TTC28: variants seen among roughly 807,000 people sequenced by gnomAD.
The protein encoded by TTC28 is tetratricopeptide repeat domain 28.
In TTC28, 61 loss-of-function variants were observed where a neutral mutation model predicts 198.0. That is an observed-to-expected ratio of 0.31 (90% CI 0.25 to 0.38). The LOEUF (loss-of-function observed/expected upper bound fraction) is 0.38. TTC28 is among the 10% of genes least tolerant of loss of function. TTC28 has a pLI of 1.00. For missense variants in TTC28, 2,678 were observed against 3,164.0 expected, an observed-to-expected ratio of 0.85 and a Z score of 3.69; for synonymous variants, 1,171 against 1,297.8, an observed-to-expected ratio of 0.90 and a Z score of 2.10.
chr22:28,623,717 G>C (rs2051035693), intron 2 of TTC28, among the ~76,000 whole-genome samples: 1 of 152,084 alleles, frequency 6.6e-6, no homozygotes, highest in Non-Finnish European at 1.5e-5. Context: ...TACAGTGAAA[G>C]TAAATTAGAA....
Position 28,552,179 on chromosome 22 carries a change from G to A in TTC28, c.381+77373C>T, listed in dbSNP as rs548479915. On this transcript the variant is annotated intron_variant, in intron 2 of 22. Transcript: ENST00000397906. ...CTTAGGAATATACCTAACCAAGGAG[G>A]CGAAAGACCTCTACAAGGAAAACTA... Among the ~76,000 whole-genome samples the A allele has an allele frequency of 2.0e-5, 3 of 152,178 alleles. No individual in the cohort carries two copies. In the East Asian group the frequency reaches 5.8e-4, roughly 29 times the overall value.
chr22:28,016,773 T>G (rs565750434), intron 13 of TTC28, among the ~76,000 whole-genome samples: 7 of 152,320 alleles, frequency 4.6e-5, no homozygotes, highest in African/African-American at 1.7e-4. Context: ...CAGCCCCAGC[T>G]GTCCAGGGAG....
intron 2 of TTC28, chr22:28,460,036 A>G (rs1449508119): frequency 6.6e-6 from 1 of 152,204 alleles, no homozygotes; most frequent in Non-Finnish European, 1.5e-5. Context: ...TTTTACGTGT[A>G]TTTTACCACA....
chr22:28,180,664 C>T (rs1207382559), intron 5 of TTC28, among the ~76,000 whole-genome samples: 1 of 152,098 alleles, frequency 6.6e-6, no homozygotes, highest in Non-Finnish European at 1.5e-5. Flanking sequence ...ACCGATTCTT[C>T]TTGGATCAAA....
chr22:28,105,920 CCTCTT>C, intron 7 of TTC28, 118 bp from the exon 8 acceptor site: 1 of 1,196,480 alleles, frequency 8.4e-7, no homozygotes, highest in Non-Finnish European at 1.1e-6. Flanking sequence ...GCTCTTAACT[CCTCTT>C]CTAGCTAAAA....
chr22:28,042,811 T>C (rs1018714390), intron 12 of TTC28, among the ~76,000 whole-genome samples: 6 of 151,780 alleles, frequency 4.0e-5, no homozygotes, highest in African/African-American at 1.4e-4. Context: ...CTGCCTCACA[T>C]AGGAGAAGAA....
chr22:28,274,151 T>C (rs77347157), intron 5 of TTC28, among the ~76,000 whole-genome samples: 2,400 of 152,264 alleles, frequency 0.016, 84 homozygotes, highest in African/African-American at 0.056. Flanking sequence ...TTGAGTGTGA[T>C]TAATATTGGA....
At chr22:28,562,795 C>G (rs1273348264) in intron 2 of TTC28, among the ~76,000 whole-genome samples, 1 of 152,170 alleles carries the variant, frequency 6.6e-6, no homozygotes, top group Non-Finnish European at 1.5e-5. Flanking sequence ...AAGTCAATTA[C>G]TTCATCAGAG....
chr22:28,308,823 C>T (rs1397971520), intron 2 of TTC28, among the ~76,000 whole-genome samples: 1 of 152,124 alleles, frequency 6.6e-6, no homozygotes, highest in Non-Finnish European at 1.5e-5. Flanking sequence ...TTGGTCTTCC[C>T]TTATGCCCTT....
chr22:28,678,653 T>C (rs2052040530), intron 1 of TTC28, among the ~76,000 whole-genome samples: 1 of 152,188 alleles, frequency 6.6e-6, no homozygotes, highest in East Asian at 1.9e-4. Context: ...ATCTGAGATA[T>C]TAATCTCAAG....
chr22:27,987,709 C>A lies in TTC28; in HGVS notation c.5707+2169G>T, dbSNP rs550116805. ...GGGTAATAGAGTAAGACCCTGTCTC[C>A]AAAAAAAAAAAGGTTGTGGTTGTGG... On this transcript the variant is annotated intron_variant, in intron 21 of 22. Transcript: ENST00000397906. Among the ~76,000 whole-genome samples the A allele has an allele frequency of 8.5e-3, 1,232 of 144,678 alleles. 8 individuals are homozygous for A. The highest frequency in any genetic ancestry group is 0.014 in the Non-Finnish European group (937 of 65,440). 94.9% of individuals were successfully genotyped at this position (144,678 alleles called of 152,430 possible).
intron 2 of TTC28, among the ~76,000 whole-genome samples, chr22:28,609,986 G>GT (rs983059530): frequency 6.6e-6 from 1 of 152,170 alleles, no homozygotes; most frequent in Non-Finnish European, 1.5e-5. Flanking sequence ...TTCAAACTCG[G>GT]TATAGCCCAC....
At chr22:28,033,115 C>G (rs1243129242) in intron 12 of TTC28, among the ~76,000 whole-genome samples, 1 of 152,162 alleles carries the variant, frequency 6.6e-6, no homozygotes, top group Non-Finnish European at 1.5e-5. Context: ...GAAGAATTGC[C>G]TGGGACCGGT....
At chr22:28,081,945 G>C (rs1247315012) in intron 12 of TTC28, among the ~76,000 whole-genome samples, 1 of 152,114 alleles carries the variant, frequency 6.6e-6, no homozygotes, top group Non-Finnish European at 1.5e-5. Context: ...ATTTTTTGTA[G>C]TTTTCAGTAT....
intron 5 of TTC28, among the ~76,000 whole-genome samples, chr22:28,239,718 A>G (rs1929526219): frequency 6.6e-6 from 1 of 152,106 alleles, no homozygotes; most frequent in Non-Finnish European, 1.5e-5. Flanking sequence ...CTCACAGGAA[A>G]CATTGATTAG....
At chr22:28,439,708 TA>T (rs1396105167) in intron 2 of TTC28, among the ~76,000 whole-genome samples, 1 of 152,262 alleles carries the variant, frequency 6.6e-6, no homozygotes, top group African/African-American at 2.4e-5. Flanking sequence ...CAAGTGCTTT[TA>T]AAATTATAGC....
chr22:28,202,160 C>T (rs1325491975), intron 5 of TTC28, among the ~76,000 whole-genome samples: 1 of 152,036 alleles, frequency 6.6e-6, no homozygotes, highest in Non-Finnish European at 1.5e-5. Context: ...AACTTCAGAG[C>T]CCAGGTTCTT....
intron 6 of TTC28, among the ~76,000 whole-genome samples, chr22:28,117,970 A>G (rs1006171660): frequency 1.3e-5 from 2 of 152,226 alleles, no homozygotes; most frequent in Non-Finnish European, 2.9e-5. Flanking sequence ...CAAAGGATAA[A>G]TACTTGAGGG....
intron 2 of TTC28, among the ~76,000 whole-genome samples, chr22:28,338,964 G>A (rs1202018506): frequency 6.6e-6 from 1 of 152,180 alleles, no homozygotes; most frequent in Non-Finnish European, 1.5e-5. Context: ...TTTTTAGAGT[G>A]TCTGGTTTTT....
Sources: allele counts gnomAD v4.1 joint callset (sites outside exome capture counted in the v4.1 genomes callset), GRCh38; gene constraint gnomAD v4.1.1; transcripts MANE v1.5; gene names NCBI Gene and HGNC (gene_info 2026-07-23, HGNC 2026-07-21).